SBSN: variants seen among roughly 807,000 people sequenced by gnomAD.
SBSN encodes HLAR698.
A neutral mutation model predicts 42.8 loss-of-function variants in SBSN; 33 were observed. The ratio of observed to expected loss-of-function variants is 0.77; its 90% confidence interval spans 0.58 to 1.03. The LOEUF is 1.03. Ranked by LOEUF, SBSN falls within the 50% of genes least tolerant of loss-of-function variation. SBSN has a pLI of 0.00. For missense variants in SBSN, 646 were observed against 757.3 expected (o/e 0.85, Z 1.72); for synonymous variants, 276 against 307.0 (o/e 0.90, Z 1.06).
chr19:35,524,960 C>A (rs576474178), intron 1 of SBSN, 36 bp from the exon 2 acceptor site: 6 of 1,609,820 alleles, frequency 3.7e-6, no homozygotes, highest in Non-Finnish European at 5.1e-6. Flanking sequence ...TACAACCCCA[C>A]AAACGCGGAG....
In SBSN at chr19:35,526,630, C is replaced by T; in HGVS notation, c.1638+14G>A. ...ACCCCCCTGTCCCCCATCTCCCCAT[C>T]CCTGTTCACCTACATTCAGCAGCTG... On this transcript the variant is annotated intron_variant, in intron 1 of 3. Transcript: ENST00000452271. The T allele has an allele frequency of 4.6e-6, 5 of 1,082,566 alleles. No individual in the cohort carries two copies. Among genetic ancestry groups the T allele is most frequent in the South Asian group, 1.3e-5 (1 of 78,328 alleles). The allele number at this position is 1,082,566 out of a possible 1,614,324, so 67.1% of individuals were successfully genotyped here. A position where few individuals can be genotyped will look rare whatever the true frequency, so the allele number is the denominator to read the frequency against.
At chr19:35,523,702 G>T (rs975841805) in intron 3 of SBSN, among the ~76,000 whole-genome samples, 169 bp from the exon 4 acceptor site, 1 of 152,172 alleles carries the variant, frequency 6.6e-6, no homozygotes, top group African/African-American at 2.4e-5. Flanking sequence ...AAGAACACAA[G>T]GAAGCCAGTC....
intron 1 of SBSN, among the ~76,000 whole-genome samples, chr19:35,526,189 G>C (rs2071367851): frequency 6.6e-6 from 1 of 152,140 alleles, no homozygotes; most frequent in Admixed American, 6.5e-5. Context: ...CCACATCAGA[G>C]GGTAGTTACA....
intron 1 of SBSN, 66 bp downstream of exon 1, chr19:35,526,571 AAATGTCC>A: frequency 2.7e-6 from 1 of 365,836 alleles, no homozygotes. Context: ...CCGCCCCGCC[AAATGTCC>A]CAGGGGTTTA....
At chr19:35,524,253 C>G (rs981874330) in intron 3 of SBSN, among the ~76,000 whole-genome samples, 4 of 152,182 alleles carry the variant, frequency 2.6e-5, no homozygotes, top group Non-Finnish European at 4.4e-5. Flanking sequence ...TCCATAGGAG[C>G]CTCTGCACTG....
chr19:35,526,611 CT>C (rs756760485), intron 1 of SBSN, 32 bp downstream of exon 1: 39 of 1,336,090 alleles, frequency 2.9e-5, no homozygotes, highest in South Asian at 8.1e-5. Flanking sequence ...CCCAACCCCC[CT>C]GTCCCCCATC....
Position 35,523,433 on chromosome 19 carries a change from C to A in SBSN, c.*77G>T, listed in dbSNP as rs1429214530. The A allele has an allele frequency of 6.9e-7, 1 of 1,457,644 alleles. No individual in the cohort carries two copies. The highest frequency in any genetic ancestry group is 1.4e-5 in the African/African-American group (1 of 71,734). The allele number at this position is 1,457,644 out of a possible 1,614,324, so 90.3% of individuals were successfully genotyped here. ...TCAGGGATTTCAGAAACCTGTCCCC[C>A]ACCCCCAACCCCTCCAGGTCATGTC... On this transcript the variant is annotated 3_prime_UTR_variant, in exon 4 of 4. Transcript: ENST00000452271.
chr19:35,525,622 G>A (rs118040106), intron 1 of SBSN, among the ~76,000 whole-genome samples: 2,134 of 152,252 alleles, frequency 0.014, 35 homozygotes, highest in East Asian at 0.062. Context: ...CTTGGTGCCT[G>A]TTCTGTTGTG....
At position 35,523,472 on chromosome 19, in the gene SBSN, A is replaced by G. The variant is rs1273371164; in HGVS notation, c.*38T>C. 2 of 1,611,800 alleles carry G rather than the reference A, an allele frequency of 1.2e-6. No homozygotes were observed. The highest frequency in any genetic ancestry group is 1.3e-5 in the African/African-American group (1 of 74,834). ...CCAGGTCATGTCAGCTGATGTGACA[A>G]CGGCGACATTATTCTCCCAGCAAGG... On this transcript the variant is annotated 3_prime_UTR_variant, in exon 4 of 4. Coordinates refer to ENST00000452271, the MANE Select transcript of SBSN (RefSeq NM_001166034.2).
chr19:35,526,554 G>A, intron 1 of SBSN, 90 bp downstream of exon 1: 1 of 1,191,246 alleles, frequency 8.4e-7, no homozygotes, highest in African/African-American at 1.5e-5. Flanking sequence ...AGGCTACGCG[G>A]ACCCCCCCGC....
At chr19:35,523,637 C>T (rs1384923835) in intron 3 of SBSN, 104 bp from the exon 4 acceptor site, 11 of 1,142,046 alleles carry the variant, frequency 9.6e-6, no homozygotes, top group Non-Finnish European at 1.5e-5. Flanking sequence ...GGACTGGCTG[C>T]TCTGGCCCCG....
intron 3 of SBSN, among the ~76,000 whole-genome samples, chr19:35,523,738 C>A (rs1359778371): frequency 1.3e-5 from 2 of 152,198 alleles, no homozygotes; most frequent in African/African-American, 4.8e-5. Flanking sequence ...GCTGGGGCCT[C>A]TGCAGGAACC....
At position 35,527,824 on chromosome 19, in the gene SBSN, C is replaced by A; in HGVS notation, c.458G>T (p.Gly153Val). Residue 153 changes from glycine to valine, a missense_variant, in exon 1 of 4, where the codon GGC becomes GTC. Gly to Val is a moderately radical substitution (Grantham distance 109, BLOSUM62 -3). Around this residue, in one of 3 missense-constraint regions of SBSN, gnomAD observed 220 missense variants for 334.5 expected, o/e 0.66. Transcript: ENST00000452271. ...NQAGSEAGKFGQGVDNAAGQA... is the reference protein window; with the variant it reads ...NQAGSEAGKFVQGVDNAAGQA... ...CCCTGCAGCATTGTCGACTCCCTGGCCAAACTTCCCTGCCTCACTTCCCGC... is the reference window on the plus strand; with the variant it reads ...CCCTGCAGCATTGTCGACTCCCTGGACAAACTTCCCTGCCTCACTTCCCGC... 1 of 1,613,740 alleles carries A rather than the reference C, an allele frequency of 6.2e-7. No homozygotes were observed. Among genetic ancestry groups the A allele is most frequent in the African/African-American group, 1.3e-5 (1 of 75,022 alleles).
intron 3 of SBSN, 100 bp downstream of exon 3, chr19:35,524,611 T>TGCCC (rs2071347099): frequency 3.8e-6 from 5 of 1,308,706 alleles, no homozygotes; most frequent in African/African-American, 1.4e-5. Flanking sequence ...GCTGCAGGTC[T>TGCCC]GCCCGCCCGG....
rs183021734 is a variant in SBSN at position 35,527,320 on chromosome 19, G to A, written c.962C>T (p.Ala321Val). 5 of 1,527,330 alleles carry A rather than the reference G, an allele frequency of 3.3e-6. No individual in the cohort carries two copies. In the East Asian group the frequency reaches 1.0e-4, roughly 31 times the overall value. The allele number at this position is 1,527,330 out of a possible 1,614,324, so 94.6% of individuals were successfully genotyped here. The change falls in exon 1 of 4, where the codon GCT becomes GTT. Residue 321 changes from alanine to valine, a missense_variant. Ala to Val is a moderately conservative substitution (Grantham distance 64). Coordinates refer to ENST00000452271, the MANE Select transcript of SBSN (RefSeq NM_001166034.2). ...AGCCTCATTTCCGGCCTGCCCCGCA[G>A]CATGGTGGGCCCCCTGGCCAAATCT... Reference protein sequence around the residue: ...AGRFGQGAHHAAGQAGNEAGR... With the variant: ...AGRFGQGAHHVAGQAGNEAGR...
Position 35,526,999 on chromosome 19 carries a change from T to A in SBSN, c.1283A>T (p.His428Leu). The A allele has an allele frequency of 6.5e-7, 1 of 1,547,872 alleles. No homozygotes were observed. Among genetic ancestry groups the A allele is most frequent in the Non-Finnish European group, 8.7e-7 (1 of 1,146,994 alleles). Residue 428 changes from histidine to leucine, a missense_variant, in exon 1 of 4, where the codon CAC becomes CTC. Around this residue, in one of 3 missense-constraint regions of SBSN, gnomAD observed 236 missense variants for 225.6 expected, o/e 1.05. Transcript: ENST00000452271. ...CTCTTTCCCAGCCTGCCCTGCTGTG[T>A]GGTGAATGTCGTGGCCAAACTGCCC... Reference protein sequence around the residue: ...EAGQFGHDIHHTAGQAGKEGD... With the variant: ...EAGQFGHDIHLTAGQAGKEGD...
intron 1 of SBSN, 104 bp from the exon 2 acceptor site, chr19:35,525,028 G>A (rs1016829869): frequency 1.3e-5 from 16 of 1,218,032 alleles, no homozygotes; most frequent in South Asian, 1.0e-4. Flanking sequence ...CTGGGGCTGC[G>A]GTGGGAGGCA....
In SBSN at chr19:35,526,710, C is replaced by G; in HGVS notation, c.1572G>C (p.Gly524=). 6.2e-7 allele frequency: 1 copy of G among 1,611,244 alleles called. No homozygotes were observed. Among genetic ancestry groups the G allele is most frequent in the Non-Finnish European group, 8.5e-7 (1 of 1,178,644 alleles). ...CATTATGAGCATTCTGCAGCTCCTTCCCGGCCTGGCCAGCAGCATGGTGGG... is the reference window on the plus strand; with the variant it reads ...CATTATGAGCATTCTGCAGCTCCTTGCCGGCCTGGCCAGCAGCATGGTGGG... The part of the protein sequence containing the change: ...QGAHHAAGQA[G]KELQNAHNGV... The change falls in exon 1 of 4, where the codon GGG becomes GGC. Residue 524 remains glycine (G), a synonymous_variant. Transcript: ENST00000452271.
intron 1 of SBSN, 32 bp downstream of exon 1, chr19:35,526,612 T>A (rs765314675): frequency 8.3e-4 from 162 of 194,230 alleles, no homozygotes; most frequent in Non-Finnish European, 1.3e-3. Flanking sequence ...CCAACCCCCC[T>A]GTCCCCCATC....
Sources: gnomAD v4.1 joint callset for allele counts (sites outside exome capture counted in the v4.1 genomes callset) on GRCh38, gnomAD v4.1.1 for gene constraint, gnomAD v4.1.1 regional missense constraint, MANE v1.5 for transcripts, NCBI Gene and HGNC (gene_info 2026-07-23, HGNC 2026-07-21) for gene names.